Variants in TM9SF3 observed in about 807,000 individuals in gnomAD.
TM9SF3 encodes SM-11044-binding protein.
Under a neutral mutation model 78.6 loss-of-function variants are expected in TM9SF3, and 14 were observed. The ratio of observed to expected loss-of-function variants is 0.18; its 90% confidence interval spans 0.12 to 0.28. TM9SF3 has a LOEUF of 0.28. Among genes scored for constraint, TM9SF3 ranks in the 10% least tolerant of loss-of-function variants. The pLI, the probability that TM9SF3 is intolerant of heterozygous loss-of-function variation, is 1.00. For synonymous variants in TM9SF3, 231 were observed against 241.7 expected, an observed-to-expected ratio of 0.96 and a Z score of 0.41; for missense variants, 496 against 721.9, an observed-to-expected ratio of 0.69 and a Z score of 3.59.
chr10:96,563,574 C>T (rs1416917022), intron 3 of TM9SF3, among the ~76,000 whole-genome samples: 2 of 152,070 alleles, frequency 1.3e-5, no homozygotes, highest in East Asian at 1.9e-4. Context: ...GACAGGGTTT[C>T]GCCATGCTGG....
rs528837181 is a variant in TM9SF3 at position 96,581,148 on chromosome 10, T to C, written c.103-4319A>G. The stretch of plus-strand genomic sequence containing the variant: ...CACTCTAATCTCAAAAGGAATGACC[T>C]TTATTCTCAAGAAGTCACCAATGTT... On this transcript the variant is annotated intron_variant, in intron 1 of 14. Transcript: ENST00000371142. 2.0e-5 allele frequency among the ~76,000 whole-genome samples: 3 copies of C among 152,350 alleles called. No homozygotes were observed. In the East Asian group the frequency reaches 5.8e-4, roughly 29 times the overall value.
chr10:96,566,542 T>C (rs1401760408), intron 2 of TM9SF3, among the ~76,000 whole-genome samples: 2 of 152,148 alleles, frequency 1.3e-5, no homozygotes, highest in Non-Finnish European at 2.9e-5. Context: ...TAAAGTCCCA[T>C]GGAAGAATGT....
rs1848643781 is a variant in TM9SF3 at position 96,587,002 on chromosome 10, C to T, written c.-167G>A. 2.7e-6 allele frequency: 1 copy of T among 376,768 alleles called. No homozygotes were observed. The highest frequency in any genetic ancestry group is 4.1e-6 in the Non-Finnish European group (1 of 245,334). 23.3% of individuals were successfully genotyped at this position (376,768 alleles called of 1,614,324 possible). A position where few individuals can be genotyped will look rare whatever the true frequency, so the allele number is the denominator to read the frequency against. Reference sequence around the variant, plus strand: ...CCTCTGCCGCCGCCGTCGCCGTCACCGCCCGCTCCTGAGCCTCCCCCGCCC... The same window carrying T: ...CCTCTGCCGCCGCCGTCGCCGTCACTGCCCGCTCCTGAGCCTCCCCCGCCC... On this transcript the variant is annotated 5_prime_UTR_variant, in exon 1 of 15. Transcript: ENST00000371142.
chr10:96,565,459 T>C, intron 2 of TM9SF3, 33 bp from the exon 3 acceptor site: 2 of 1,517,520 alleles, frequency 1.3e-6, no homozygotes, highest in Non-Finnish European at 1.7e-6. Context: ...ATTAGCCCAC[T>C]AGTTTGCAAA....
chr10:96,538,352 C>T (rs759778810), intron 9 of TM9SF3, among the ~76,000 whole-genome samples: 1 of 152,056 alleles, frequency 6.6e-6, no homozygotes, highest in Admixed American at 6.6e-5. Flanking sequence ...ACCCCTCTGG[C>T]CCTTAACTCA....
chr10:96,566,022 C>T (rs958718763), intron 2 of TM9SF3, among the ~76,000 whole-genome samples: 7 of 152,086 alleles, frequency 4.6e-5, no homozygotes, highest in Non-Finnish European at 7.4e-5. Flanking sequence ...TTTTCCACCC[C>T]GACTGCTTTC....
In TM9SF3 at chr10:96,552,932, T is replaced by C; in HGVS notation, c.788A>G (p.Asp263Gly). 6.5e-7 allele frequency: 1 copy of C among 1,544,992 alleles called. No individual in the cohort carries two copies. The highest frequency in any genetic ancestry group is 8.7e-7 in the Non-Finnish European group (1 of 1,153,334). ...ATAATGTAAATGTTTACTCACCATA[T>C]CATCCATTTCTTCCTCTTTACTGTA... ...ARYSKEEEMD[D>G]MDRDLGDEYG... is the part of the protein sequence containing the mutation. Residue 263 changes from aspartate (D) to glycine (G), a missense_variant, in exon 6 of 15, where the codon GAT becomes GGT. Transcript: ENST00000371142.
At chr10:96,539,607 C>A (rs926836316) in intron 9 of TM9SF3, among the ~76,000 whole-genome samples, 2 of 151,980 alleles carry the variant, frequency 1.3e-5, no homozygotes, top group Non-Finnish European at 2.9e-5. Context: ...ATCTTGAATG[C>A]GGTAATGGTT....
At chr10:96,555,200 T>C (rs1027436835) in intron 5 of TM9SF3, among the ~76,000 whole-genome samples, 2 of 152,220 alleles carry the variant, frequency 1.3e-5, no homozygotes, top group Non-Finnish European at 2.9e-5. Flanking sequence ...ATACTTCCTG[T>C]AATATGGCCA....
chr10:96,570,929 G>C (rs2031325), intron 2 of TM9SF3, among the ~76,000 whole-genome samples: 323 of 152,098 alleles, frequency 2.1e-3, no homozygotes, highest in Middle Eastern at 3.4e-3. Context: ...GGTAGAGACA[G>C]GGTTTCACCA....
intron 8 of TM9SF3, among the ~76,000 whole-genome samples, chr10:96,546,715 C>T (rs368083016): frequency 1.3e-5 from 2 of 152,114 alleles, no homozygotes; most frequent in African/African-American, 4.8e-5. Context: ...GTACAGGTCA[C>T]ATTAAGTCTA....
intron 2 of TM9SF3, among the ~76,000 whole-genome samples, chr10:96,567,073 C>T (rs116686766): frequency 0.012 from 1,666 of 139,942 alleles, 31 homozygotes; most frequent in African/African-American, 0.039. Flanking sequence ...TGGCATTTAT[C>T]TGTATAAAGC....
chr10:96,521,069 T>C lies in TM9SF3; in HGVS notation c.*1194A>G, dbSNP rs1847761828. The C allele has an allele frequency of 2.6e-6, 1 of 390,332 alleles. No homozygotes were observed. The highest frequency in any genetic ancestry group is 4.5e-6 in the Non-Finnish European group (1 of 220,180). The allele number at this position is 390,332 out of a possible 1,614,324, so 24.2% of individuals were successfully genotyped here. On this transcript the variant is annotated 3_prime_UTR_variant, in exon 15 of 15. Transcript: ENST00000371142. ...GTGTCCCAGACAGGATTAACAAAATTAAGTGTCTCTAAATTACAAATTTGG... is the reference window on the plus strand; with the variant it reads ...GTGTCCCAGACAGGATTAACAAAATCAAGTGTCTCTAAATTACAAATTTGG...
rs111681571 is a variant in TM9SF3, at chr10:96,558,230, C to T, written c.660+1429G>A. Among the ~76,000 whole-genome samples the T allele has an allele frequency of 2.6e-3, 393 of 152,252 alleles. 6 individuals carry two copies. The highest frequency in any genetic ancestry group is 9.0e-3 in the African/African-American group (374 of 41,548). ...TCTTGAAATTATCTGTGTCCATACC[C>T]TATTGAAGATTGCCTGAGCATTATA... is the stretch of plus-strand genomic sequence containing the variant. On this transcript the variant is annotated intron_variant, in intron 5 of 14. Transcript: ENST00000371142.
chr10:96,526,667 T>C (rs1193984100), intron 14 of TM9SF3, among the ~76,000 whole-genome samples: 1 of 152,092 alleles, frequency 6.6e-6, no homozygotes, highest in East Asian at 1.9e-4. Context: ...AAAGCATACA[T>C]ATGGTACAGC....
chr10:96,569,517 C>T (rs536195975), intron 2 of TM9SF3, among the ~76,000 whole-genome samples: 31 of 152,280 alleles, frequency 2.0e-4, no homozygotes, highest in African/African-American at 6.7e-4. Context: ...AACTGACCAA[C>T]CTGACTAGCA....
intron 5 of TM9SF3, among the ~76,000 whole-genome samples, chr10:96,557,238 T>C (rs1483590681): frequency 1.3e-5 from 2 of 152,160 alleles, no homozygotes; most frequent in Non-Finnish European, 2.9e-5. Context: ...TCCATTTGGA[T>C]ATCGTACAGA....
chr10:96,584,184 A>G lies in TM9SF3; in HGVS notation c.102+2550T>C, dbSNP rs149439250. On this transcript the variant is annotated intron_variant, in intron 1 of 14. Transcript: ENST00000371142. ...CTAAAAGTTATTGTTTGATAATTCA[A>G]TTCTACATGTATTTACTAAACACCT... Among the ~76,000 whole-genome samples, 430 of 152,360 alleles carry G rather than the reference A, an allele frequency of 2.8e-3. 1 individual carries two copies. The highest frequency in any genetic ancestry group is 9.4e-3 in the African/African-American group (393 of 41,588).
intron 9 of TM9SF3, among the ~76,000 whole-genome samples, chr10:96,534,907 T>C (rs1359895743): frequency 6.6e-6 from 1 of 152,214 alleles, no homozygotes; most frequent in African/African-American, 2.4e-5. Context: ...CTGAACTGAA[T>C]GAATTTTGTC....
Sources: allele counts gnomAD v4.1 joint callset (sites outside exome capture counted in the v4.1 genomes callset), GRCh38; gene constraint gnomAD v4.1.1; transcripts MANE v1.5; gene names NCBI Gene and HGNC (gene_info 2026-07-23, HGNC 2026-07-21).